Variants in NFAT5 observed in about 807,000 individuals in gnomAD.
The protein encoded by NFAT5 is nuclear factor of activated T-cells 5.
Under a neutral mutation model 166.5 loss-of-function variants are expected in NFAT5, and 31 were observed. The observed-to-expected ratio is 0.19, with a 90% CI of 0.14 to 0.25. NFAT5 has a LOEUF of 0.25. Among genes scored for constraint, NFAT5 ranks in the 10% least tolerant of loss-of-function variants. The pLI, the probability that NFAT5 is intolerant of heterozygous loss-of-function variation, is 1.00. For missense variants in NFAT5, 1,449 were observed against 1,821.8 expected, an observed-to-expected ratio of 0.80 and a Z score of 3.72; for synonymous variants, 612 against 639.7, an observed-to-expected ratio of 0.96 and a Z score of 0.65.
chr16:69,683,786 A>G (rs1340880984), intron 10 of NFAT5, among the ~76,000 whole-genome samples: 1 of 152,004 alleles, frequency 6.6e-6, no homozygotes, highest in Non-Finnish European at 1.5e-5. Context: ...GTGAAACCCC[A>G]TCTCTACTAA....
At chr16:69,688,194 C>T in intron 11 of NFAT5, among the ~76,000 whole-genome samples, 1 of 85,110 alleles carries the variant, frequency 1.2e-5, no homozygotes, top group South Asian at 3.9e-4. Flanking sequence ...CAGAGCGAGA[C>T]TCCGTCTCAA....
At chr16:69,668,805 A>G (rs1016376228) in intron 7 of NFAT5, among the ~76,000 whole-genome samples, 9 of 152,126 alleles carry the variant, frequency 5.9e-5, no homozygotes, top group African/African-American at 1.7e-4. Flanking sequence ...CAGCCTCCCA[A>G]GTAGCTGGGA....
intron 7 of NFAT5, among the ~76,000 whole-genome samples, chr16:69,663,719 T>A (rs189107321): frequency 6.6e-6 from 1 of 151,520 alleles, no homozygotes; most frequent in Admixed American, 6.6e-5. Context: ...ACAAAAAAAA[T>A]GTTTTAAGTT....
In NFAT5 at chr16:69,694,165, C is replaced by G. The variant is rs773391272; in HGVS notation, c.4340C>G (p.Thr1447Arg). 3 of 1,614,192 alleles carry G rather than the reference C, an allele frequency of 1.9e-6. No homozygotes were observed. Among genetic ancestry groups the G allele is most frequent in the Non-Finnish European group, 2.5e-6 (3 of 1,180,046 alleles). The change falls in exon 13 of 15, where the codon ACA becomes AGA. Residue 1447 changes from threonine to arginine, a missense_variant. Thr to Arg is a moderately conservative substitution (Grantham distance 71). This residue lies in a region of NFAT5 where 891 missense variants were observed against 993.0 expected (regional missense o/e 0.90). Coordinates refer to ENST00000349945, the MANE Select transcript of NFAT5 (RefSeq NM_138713.4). ...ATLFHNTAGG[T>R]MNQLQNSPGS... ...TTATTTCACAACACAGCAGGAGGCA[C>G]AATGAACCAACTGCAGAATTCTCCT...
rs573272985 is a variant in NFAT5, at chr16:69,627,593, A to G, written c.253+1065A>G. 4.6e-5 allele frequency among the ~76,000 whole-genome samples: 7 copies of G among 152,232 alleles called. No individual in the cohort carries two copies. In the South Asian group the frequency reaches 1.2e-3, roughly 27 times the overall value. ...ATATATTTCTCATATGCATTAACCT[A>G]TGTACCATTAACCTTATGTACCAAT... On this transcript the variant is annotated intron_variant, in intron 3 of 14. Transcript: ENST00000349945.
chr16:69,620,192 A>G (rs985245449), intron 2 of NFAT5, among the ~76,000 whole-genome samples: 2 of 152,224 alleles, frequency 1.3e-5, no homozygotes, highest in African/African-American at 4.8e-5. Context: ...AGAATGCACC[A>G]GCATGGGACA....
intron 3 of NFAT5, among the ~76,000 whole-genome samples, chr16:69,627,486 ATTATT>A (rs1446503180): frequency 6.6e-6 from 1 of 151,782 alleles, no homozygotes; most frequent in Non-Finnish European, 1.5e-5. Context: ...TTTTCAGTAA[ATTATT>A]TTAGTTTCAA....
At chr16:69,609,134 GTATT>G (rs1273280104) in intron 2 of NFAT5, among the ~76,000 whole-genome samples, 2 of 151,264 alleles carry the variant, frequency 1.3e-5, no homozygotes, top group Admixed American at 6.6e-5. Flanking sequence ...AAAAAAAAAA[GTATT>G]TAGGTAATCT....
At chr16:69,641,031 G>A (rs1335624422) in intron 3 of NFAT5, among the ~76,000 whole-genome samples, 1 of 151,008 alleles carries the variant, frequency 6.6e-6, no homozygotes, top group Admixed American at 6.6e-5. Context: ...TGTAATCCCA[G>A]CACTTTGAGA....
chr16:69,609,337 T>G lies in NFAT5; in HGVS notation c.128-17066T>G, dbSNP rs533372786. 7.2e-5 allele frequency among the ~76,000 whole-genome samples: 11 copies of G among 152,278 alleles called. No homozygotes were observed. In the East Asian group the frequency reaches 2.1e-3, roughly 29 times the overall value. ...TTGTGAAGCTTTATACACATATACA[T>G]TCTGTGATCTTATTCCCTGTAAACC... On this transcript the variant is annotated intron_variant, in intron 2 of 14. Transcript: ENST00000349945.
intron 2 of NFAT5, among the ~76,000 whole-genome samples, chr16:69,583,806 AGAAG>A (rs879719970): frequency 1.7e-4 from 26 of 152,212 alleles, no homozygotes; most frequent in Non-Finnish European, 1.6e-4. Context: ...CATCCAGAAA[AGAAG>A]GAAGGAAGGG....
Position 69,627,323 on chromosome 16 carries a change from C to T in NFAT5, c.253+795C>T, listed in dbSNP as rs971336639. 4.3e-4 allele frequency among the ~76,000 whole-genome samples: 56 copies of T among 128,840 alleles called. 1 individual carries two copies. Among genetic ancestry groups the T allele is most frequent in the Admixed American group, 3.6e-3 (45 of 12,442 alleles). The allele number at this position is 128,840 out of a possible 152,430, so 84.5% of individuals were successfully genotyped here. ...GTGTGTTTGTTTTAAAAAAAGGAAA[C>T]ATATATATATATATATATATATATA... On this transcript the variant is annotated intron_variant, in intron 3 of 14. Coordinates refer to ENST00000349945, the MANE Select transcript of NFAT5 (RefSeq NM_138713.4).
chr16:69,675,906 G>A (rs1217255009), intron 9 of NFAT5, among the ~76,000 whole-genome samples: 1 of 152,204 alleles, frequency 6.6e-6, no homozygotes, highest in African/African-American at 2.4e-5. Context: ...CTCCCAAAGT[G>A]TTGGGATTAC....
chr16:69,579,907 G>A (rs937610754), intron 2 of NFAT5, among the ~76,000 whole-genome samples: 3 of 152,146 alleles, frequency 2.0e-5, no homozygotes, highest in Non-Finnish European at 4.4e-5. Context: ...GAACTGTAAC[G>A]AGGAATGGAT....
chr16:69,694,044 AATC>A lies in NFAT5; in HGVS notation c.4221_4223del (p.Asn1407_Gln1408delinsLys). On this transcript the variant is annotated inframe_deletion, in exon 13 of 15. Transcript: ENST00000349945. ...CATGTCTGCCTTGCAGACCAGTATAAATCAACAAGATATGCAACAGTCTCCTCT... is the reference window on the plus strand; with the variant it reads ...CATGTCTGCCTTGCAGACCAGTATAAAACAAGATATGCAACAGTCTCCTCT... The A allele has an allele frequency of 6.2e-7, 1 of 1,614,148 alleles. No individual in the cohort carries two copies. The highest frequency in any genetic ancestry group is 8.5e-7 in the Non-Finnish European group (1 of 1,180,022).
intron 4 of NFAT5, chr16:69,648,789 A>G: frequency 1.0e-6 from 1 of 960,274 alleles, no homozygotes; most frequent in Non-Finnish European, 1.2e-6. Flanking sequence ...AAGAAGCTTT[A>G]GATTGATTTA....
At chr16:69,576,178 C>T (rs72801314) in intron 2 of NFAT5, among the ~76,000 whole-genome samples, 8,562 of 151,004 alleles carry the variant, frequency 0.057, 271 homozygotes, top group Middle Eastern at 0.11. Context: ...GGTGGGCGGG[C>T]ACCTGTAGTC....
Position 69,684,935 on chromosome 16 carries a change from C to A in NFAT5, c.1739C>A (p.Pro580Gln). ...AATGTGAAGAAGGAAATATCTAGTC[C>A]AGCAAGACCTTGCTCTTTTGAAGAG... ...NVNVKKEISS[P>Q]ARPCSFEEAM... Residue 580 changes from proline (P) to glutamine (Q), a missense_variant, in exon 11 of 15, where the codon CCA (proline) becomes CAA (glutamine). Around this residue, in one of 7 missense-constraint regions of NFAT5, gnomAD observed 245 missense variants for 366.6 expected, o/e 0.67. Coordinates refer to ENST00000349945, the MANE Select transcript of NFAT5 (RefSeq NM_138713.4). The A allele has an allele frequency of 6.2e-7, 1 of 1,610,348 alleles. No individual in the cohort carries two copies. Among genetic ancestry groups the A allele is most frequent in the South Asian group, 1.1e-5 (1 of 90,338 alleles).
At chr16:69,674,474 G>A (rs1030113584) in intron 9 of NFAT5, among the ~76,000 whole-genome samples, 1 of 151,766 alleles carries the variant, frequency 6.6e-6, no homozygotes, top group Non-Finnish European at 1.5e-5. Context: ...TATATAAAGG[G>A]ATATTCAATC....
Sources: gnomAD v4.1 joint callset for allele counts (sites outside exome capture counted in the v4.1 genomes callset) on GRCh38, gnomAD v4.1.1 for gene constraint, gnomAD v4.1.1 regional missense constraint, MANE v1.5 for transcripts, NCBI Gene and HGNC (gene_info 2026-07-23, HGNC 2026-07-21) for gene names.